Variants in CLIC5 observed in about 807,000 individuals in gnomAD.
The protein encoded by CLIC5 is chloride intracellular channel protein 5.
CLIC5 carries 20 observed loss-of-function variants against 24.7 expected under a neutral mutation model. The ratio of observed to expected loss-of-function variants is 0.81; its 90% confidence interval spans 0.57 to 1.18. The LOEUF (loss-of-function observed/expected upper bound fraction) is 1.18, where lower values mean the gene tolerates loss of function less well. CLIC5 is among the 50% of genes most tolerant of loss of function. The pLI is 0.00. For synonymous variants in CLIC5, 159 were observed against 135.6 expected, an observed-to-expected ratio of 1.17 and a Z score of -1.20; for missense variants, 341 against 326.1, an observed-to-expected ratio of 1.05 and a Z score of -0.35.
At chr6:45,946,875 G>A (rs1024805264) in intron 3 of CLIC5, among the ~76,000 whole-genome samples, 10 of 152,326 alleles carry the variant, frequency 6.6e-5, no homozygotes, top group Non-Finnish European at 1.5e-4. Flanking sequence ...CTGGAGATAT[G>A]CATTTTAACA....
rs1762512726 is a variant in CLIC5 at position 45,901,587 on chromosome 6, A to C, written c.*1501T>G. 6.6e-6 allele frequency: 1 copy of C among 152,102 alleles called. No homozygotes were observed. The highest frequency in any genetic ancestry group is 2.4e-5 in the African/African-American group (1 of 41,398). 9.4% of individuals were successfully genotyped at this position (152,102 alleles called of 1,614,324 possible). A position where few individuals can be genotyped will look rare whatever the true frequency, so the allele number is the denominator to read the frequency against. On this transcript the variant is annotated 3_prime_UTR_variant, in exon 6 of 6. Transcript: ENST00000339561. ...AACACTATAGAAGGGGGATTGTTGA[A>C]GGTAAGGGCCTGTGGCAAATGGATT...
rs986143723 is a variant in CLIC5 at position 45,903,399 on chromosome 6, G to A, written c.589-144C>T. On this transcript the variant is annotated intron_variant, in intron 5 of 5. Transcript: ENST00000339561. ...CATCAGTGATATGTTTGAAATGCAAGGTGGCAGTGCTGTCTTCTTTTTGTT... is the reference window on the plus strand; with the variant it reads ...CATCAGTGATATGTTTGAAATGCAAAGTGGCAGTGCTGTCTTCTTTTTGTT... 1.7e-5 allele frequency: 10 copies of A among 573,568 alleles called. No individual in the cohort carries two copies. The East Asian group carries it at 2.7e-4, about 16-fold the overall frequency. 35.5% of individuals were successfully genotyped at this position (573,568 alleles called of 1,614,324 possible).
intron 1 of CLIC5, among the ~76,000 whole-genome samples, chr6:46,031,238 T>G (rs1418969184): frequency 6.6e-6 from 1 of 152,200 alleles, no homozygotes; most frequent in Non-Finnish European, 1.5e-5. Context: ...CTGGATCCCT[T>G]GCCCCTCATC....
chr6:46,113,465 A>G, the CLIC5 span, among the ~76,000 whole-genome samples: 1 of 152,112 alleles, frequency 6.6e-6, no homozygotes, highest in African/African-American at 2.4e-5. Context: ...GGCTGTGGCT[A>G]TTAGGAAGTC....
intron 1 of CLIC5, among the ~76,000 whole-genome samples, chr6:46,044,586 C>T (rs763963270): frequency 5.9e-5 from 9 of 152,160 alleles, no homozygotes; most frequent in Non-Finnish European, 1.2e-4. Context: ...TTTTGCTTCA[C>T]ATCTGGAGAG....
At chr6:45,927,002 G>T (rs763075742) in intron 4 of CLIC5, among the ~76,000 whole-genome samples, 21 of 152,162 alleles carry the variant, frequency 1.4e-4, no homozygotes, top group Admixed American at 5.2e-4. Context: ...TACAGTCAGA[G>T]CATAGGGGAG....
At chr6:45,918,918 C>A in intron 4 of CLIC5, 1 of 982,856 alleles carries the variant, frequency 1.0e-6, no homozygotes, top group Non-Finnish European at 1.2e-6. Context: ...GATGAAGAAA[C>A]TGAGTCTTAG....
At chr6:45,924,882 G>T (rs9349336) in intron 4 of CLIC5, among the ~76,000 whole-genome samples, 3 of 151,866 alleles carry the variant, frequency 2.0e-5, no homozygotes, top group African/African-American at 7.3e-5. Context: ...AAGAGATATC[G>T]GTAGAAATTA....
At chr6:45,921,141 C>A (rs1763243203) in intron 4 of CLIC5, among the ~76,000 whole-genome samples, 1 of 152,152 alleles carries the variant, frequency 6.6e-6, no homozygotes, top group South Asian at 2.1e-4. Context: ...TCCGCAGTGA[C>A]CTTTCTAGGA....
At chr6:46,077,113 G>A (rs910683660) in intron 1 of CLIC5, among the ~76,000 whole-genome samples, 2 of 152,056 alleles carry the variant, frequency 1.3e-5, no homozygotes, top group Non-Finnish European at 2.9e-5. Flanking sequence ...GTGCATGGGA[G>A]ACGAGACTTT....
At chr6:45,965,485 G>A (rs999718766) in intron 1 of CLIC5, among the ~76,000 whole-genome samples, 6 of 152,132 alleles carry the variant, frequency 3.9e-5, no homozygotes, top group African/African-American at 7.2e-5. Flanking sequence ...CTCAACATCC[G>A]GAAACATTTT....
chr6:46,117,957 G>A, the CLIC5 span, among the ~76,000 whole-genome samples: 1 of 152,296 alleles, frequency 6.6e-6, no homozygotes, highest in African/African-American at 2.4e-5. Flanking sequence ...ACAAGACAGT[G>A]ACAATTTTCT....
the CLIC5 span, among the ~76,000 whole-genome samples, chr6:46,100,549 G>A: frequency 3.2e-4 from 49 of 152,216 alleles, no homozygotes; most frequent in Non-Finnish European, 6.0e-4. Flanking sequence ...GCCACTCCCC[G>A]GTCTTAGTGC....
At chr6:46,069,079 TG>T (rs1762517969) in intron 1 of CLIC5, among the ~76,000 whole-genome samples, 1 of 151,980 alleles carries the variant, frequency 6.6e-6, no homozygotes, top group Non-Finnish European at 1.5e-5. Context: ...GGAAAAGCAT[TG>T]AAAGAGGGCA....
intron 2 of CLIC5, among the ~76,000 whole-genome samples, chr6:45,952,733 T>C (rs1188576942): frequency 6.6e-6 from 1 of 152,144 alleles, no homozygotes; most frequent in Non-Finnish European, 1.5e-5. Context: ...CCAGGTGTGA[T>C]CATGTGAAGG....
At chr6:45,994,874 C>T (rs1425262344) in intron 1 of CLIC5, among the ~76,000 whole-genome samples, 2 of 152,032 alleles carry the variant, frequency 1.3e-5, no homozygotes, top group African/African-American at 2.4e-5. Flanking sequence ...CACTCTCTCA[C>T]CAGAAAATAA....
rs9472611 is a variant in CLIC5, at chr6:45,905,522, T to A, written c.589-2267A>T. Among the ~76,000 whole-genome samples, 1,371 of 151,620 alleles carry A rather than the reference T, an allele frequency of 9.0e-3. 19 individuals carry two copies. The highest frequency in any genetic ancestry group is 0.031 in the African/African-American group (1,298 of 41,234). ...TAATGTTTGTTGGCCACTTATTATG[T>A]CTTTTTTTGAGAAGTGTCTGTTCAT... On this transcript the variant is annotated intron_variant, in intron 5 of 5. Coordinates refer to ENST00000339561, the MANE Select transcript of CLIC5 (RefSeq NM_016929.5).
chr6:46,055,409 T>G (rs964118510), intron 1 of CLIC5, among the ~76,000 whole-genome samples: 2 of 152,052 alleles, frequency 1.3e-5, no homozygotes, highest in Non-Finnish European at 2.9e-5. Flanking sequence ...GGCTAATTTT[T>G]GTACTTTTAG....
At chr6:45,919,936 C>A (rs1457740226) in intron 4 of CLIC5, among the ~76,000 whole-genome samples, 2 of 152,064 alleles carry the variant, frequency 1.3e-5, no homozygotes, top group African/African-American at 4.8e-5. Flanking sequence ...AGGTGCAAAG[C>A]CCAGGATTTA....
Sources: allele counts gnomAD v4.1 joint callset (sites outside exome capture counted in the v4.1 genomes callset), GRCh38; gene constraint gnomAD v4.1.1; transcripts MANE v1.5; gene names NCBI Gene and HGNC (gene_info 2026-07-23, HGNC 2026-07-21).